Variants in EMCN observed in about 807,000 individuals in gnomAD.
The protein encoded by EMCN is endomucin.
EMCN carries 37 observed loss-of-function variants against 38.4 expected under a neutral mutation model. The observed-to-expected ratio is 0.96, with a 90% CI of 0.74 to 1.27. The LOEUF (loss-of-function observed/expected upper bound fraction) is 1.27. EMCN is among the 50% of genes most tolerant of loss of function. The pLI, the probability that EMCN is intolerant of heterozygous loss-of-function variation, is 0.00. For missense variants in EMCN, 318 were observed against 302.8 expected (o/e 1.05, Z -0.37); for synonymous variants, 95 against 100.8 (o/e 0.94, Z 0.35).
chr4:100,500,940 GT>G (rs200798246), intron 1 of EMCN, among the ~76,000 whole-genome samples: 2 of 151,302 alleles, frequency 1.3e-5, no homozygotes, highest in African/African-American at 4.9e-5. Context: ...CTGATTTGTA[GT>G]TTTTTTTCTA....
At chr4:100,478,844 GT>G (rs561802660) in intron 2 of EMCN, among the ~76,000 whole-genome samples, 169 of 152,166 alleles carry the variant, frequency 1.1e-3, no homozygotes, top group Admixed American at 2.2e-3. Flanking sequence ...CAGTGAAAGT[GT>G]CCCAAAAAAG....
intron 11 of EMCN, among the ~76,000 whole-genome samples, chr4:100,398,604 A>G (rs1176947665): frequency 6.6e-6 from 1 of 151,882 alleles, no homozygotes; most frequent in Non-Finnish European, 1.5e-5. Context: ...TCACTTCACA[A>G]TCTCAATCTT....
intron 2 of EMCN, among the ~76,000 whole-genome samples, chr4:100,478,248 A>C (rs1298203675): frequency 2.6e-5 from 4 of 152,038 alleles, no homozygotes; most frequent in African/African-American, 7.2e-5. Context: ...TTCCTGCTTT[A>C]TCTCTCTTCC....
intron 3 of EMCN, among the ~76,000 whole-genome samples, chr4:100,472,312 G>A (rs1181854685): frequency 1.3e-5 from 2 of 151,706 alleles, no homozygotes; most frequent in African/African-American, 4.8e-5. Context: ...TTTCTATATA[G>A]TAGCAATGAA....
Position 100,484,080 on chromosome 4 carries a change from G to A in EMCN, c.65-4041C>T, listed in dbSNP as rs562045442. Among the ~76,000 whole-genome samples the A allele has an allele frequency of 5.3e-5, 8 of 152,214 alleles. No individual in the cohort carries two copies. The South Asian group carries it at 1.5e-3, about 28-fold the overall frequency. ...GAGAGCTCAAGGGATACTGTGATACGAGTTTCCTGTACTACAAAGGATGAA... is the reference window on the plus strand; with the variant it reads ...GAGAGCTCAAGGGATACTGTGATACAAGTTTCCTGTACTACAAAGGATGAA... On this transcript the variant is annotated intron_variant, in intron 1 of 11. Transcript: ENST00000296420.
At chr4:100,449,688 T>C (rs1320343048) in intron 4 of EMCN, among the ~76,000 whole-genome samples, 2 of 152,062 alleles carry the variant, frequency 1.3e-5, no homozygotes, top group Non-Finnish European at 2.9e-5. Context: ...TTTGAATTAT[T>C]TTAGCCTTCA....
chr4:100,460,053 G>A (rs1371324080), intron 4 of EMCN, among the ~76,000 whole-genome samples: 1 of 152,098 alleles, frequency 6.6e-6, no homozygotes, highest in Non-Finnish European at 1.5e-5. Context: ...CAGTATACAA[G>A]ATTTCTCTTT....
chr4:100,476,224 CCCTT>C (rs923720387), intron 2 of EMCN, among the ~76,000 whole-genome samples: 3 of 145,008 alleles, frequency 2.1e-5, no homozygotes, highest in South Asian at 2.2e-4. Context: ...ATCCCTCCCT[CCCTT>C]CCTTCCTTCT....
chr4:100,453,939 C>T (rs1026995582), intron 4 of EMCN, among the ~76,000 whole-genome samples: 3 of 150,262 alleles, frequency 2.0e-5, no homozygotes, highest in East Asian at 2.0e-4. Flanking sequence ...CACCAAACAC[C>T]GCGTGTTCTC....
At chr4:100,478,902 T>A (rs768543289) in intron 2 of EMCN, among the ~76,000 whole-genome samples, 3 of 152,068 alleles carry the variant, frequency 2.0e-5, no homozygotes, top group Non-Finnish European at 4.4e-5. Flanking sequence ...CCTCAAGTAT[T>A]CTATGCACTT....
Position 100,410,263 on chromosome 4 carries a change from A to G in EMCN, c.*39+19T>C. 1 of 1,489,666 alleles carries G rather than the reference A, an allele frequency of 6.7e-7. No individual in the cohort carries two copies. The highest frequency in any genetic ancestry group is 9.4e-7 in the Non-Finnish European group (1 of 1,067,080). 92.3% of individuals were successfully genotyped at this position (1,489,666 alleles called of 1,614,324 possible). A position where few individuals can be genotyped will look rare whatever the true frequency, so the allele number is the denominator to read the frequency against. On this transcript the variant is annotated intron_variant, in intron 11 of 11. Transcript: ENST00000296420. ...CAGATATTAATGATTGTCTCCGTGA[A>G]TGAAATTGGGAAACTTACGTAATTA...
intron 11 of EMCN, among the ~76,000 whole-genome samples, chr4:100,398,974 G>A (rs775182053): frequency 6.6e-6 from 1 of 152,244 alleles, no homozygotes; most frequent in Admixed American, 6.5e-5. Context: ...TATCACTGAT[G>A]GGATACAGTT....
intron 1 of EMCN, among the ~76,000 whole-genome samples, chr4:100,501,538 A>G (rs115906905): frequency 1.2e-3 from 176 of 152,240 alleles, no homozygotes; most frequent in African/African-American, 3.9e-3. Flanking sequence ...TTCTTTAAAA[A>G]TTACTAAGGA....
rs545423475 is a variant in EMCN at position 100,479,091 on chromosome 4, G to T, written c.187+826C>A. Among the ~76,000 whole-genome samples the T allele has an allele frequency of 2.0e-5, 3 of 152,240 alleles. No individual in the cohort carries two copies. In the South Asian group the frequency reaches 6.2e-4, roughly 32 times the overall value. ...AAGCCCAGCGAACTAGCTTTCATTG[G>T]TCTTCTGCATATGTTTGACCCTAGT... On this transcript the variant is annotated intron_variant, in intron 2 of 11. Transcript: ENST00000296420.
At chr4:100,446,032 T>A in intron 5 of EMCN, 1 of 980,372 alleles carries the variant, frequency 1.0e-6, no homozygotes, top group Non-Finnish European at 1.2e-6. Flanking sequence ...AAATAAAATT[T>A]ATTTAAACAA....
chr4:100,411,456 G>A (rs1368522), intron 10 of EMCN, among the ~76,000 whole-genome samples: 1 of 152,122 alleles, frequency 6.6e-6, no homozygotes, highest in Non-Finnish European at 1.5e-5. Flanking sequence ...TTTACAATTC[G>A]TAATATTCTT....
intron 1 of EMCN, among the ~76,000 whole-genome samples, chr4:100,503,652 C>T (rs1356887656): frequency 1.3e-5 from 2 of 152,028 alleles, no homozygotes; most frequent in African/African-American, 4.8e-5. Flanking sequence ...GATCATGGTT[C>T]ATTGCAGCCT....
At chr4:100,441,925 T>A (rs1727531651) in intron 5 of EMCN, among the ~76,000 whole-genome samples, 4 of 152,226 alleles carry the variant, frequency 2.6e-5, no homozygotes, top group African/African-American at 7.2e-5. Flanking sequence ...TACACACCAC[T>A]ATTACAGTAT....
chr4:100,430,986 T>A (rs1727180448), intron 5 of EMCN, among the ~76,000 whole-genome samples: 1 of 152,140 alleles, frequency 6.6e-6, no homozygotes, highest in Admixed American at 6.6e-5. Context: ...AAAACTTAAA[T>A]AAACTACCCC....
Sources: gnomAD v4.1 joint callset for allele counts (sites outside exome capture counted in the v4.1 genomes callset) on GRCh38, gnomAD v4.1.1 for gene constraint, MANE v1.5 for transcripts, NCBI Gene and HGNC (gene_info 2026-07-23, HGNC 2026-07-21) for gene names.